Variants in FAM107B observed in about 807,000 individuals in gnomAD.
FAM107B encodes the protein family with sequence similarity 107 member B.
FAM107B carries 21 observed loss-of-function variants against 31.5 expected under a neutral mutation model. That is an observed-to-expected ratio of 0.67 (90% CI 0.47 to 0.96). FAM107B has a LOEUF of 0.96. Ranked by LOEUF, FAM107B falls within the 40% of genes least tolerant of loss-of-function variation. The pLI is 0.00. For synonymous variants in FAM107B, 157 were observed against 141.5 expected (o/e 1.11, Z -0.78); for missense variants, 452 against 377.1 (o/e 1.20, Z -1.64).
chr10:14,578,610 A>G (rs1851536825), intron 2 of FAM107B, among the ~76,000 whole-genome samples: 3 of 152,048 alleles, frequency 2.0e-5, no homozygotes, highest in African/African-American at 7.3e-5. Context: ...TTTGCGACAT[A>G]TTTTCCGGAG....
intron 1 of FAM107B, among the ~76,000 whole-genome samples, chr10:14,677,438 A>G (rs1010645736): frequency 6.6e-6 from 1 of 151,884 alleles, no homozygotes; most frequent in Non-Finnish European, 1.5e-5. Context: ...TGGCTAACAC[A>G]CTGAAACCCC....
chr10:14,729,660 C>A (rs1856118363), intron 1 of FAM107B, among the ~76,000 whole-genome samples: 1 of 152,162 alleles, frequency 6.6e-6, no homozygotes, highest in African/African-American at 2.4e-5. Context: ...GGTGGAAATA[C>A]CATTTCACCC....
chr10:14,674,635 C>A (rs151137258), intron 1 of FAM107B, among the ~76,000 whole-genome samples: 67 of 152,314 alleles, frequency 4.4e-4, no homozygotes, highest in African/African-American at 1.6e-3. Context: ...TAATAATTGT[C>A]TCGTTAACTC....
chr10:14,692,279 G>A (rs1855156789), intron 1 of FAM107B, among the ~76,000 whole-genome samples: 1 of 152,124 alleles, frequency 6.6e-6, no homozygotes, highest in Non-Finnish European at 1.5e-5. Flanking sequence ...GAGCTCCCCT[G>A]GCGGCTCTGC....
intron 2 of FAM107B, among the ~76,000 whole-genome samples, chr10:14,602,253 A>G (rs1852423843): frequency 6.6e-6 from 1 of 152,214 alleles, no homozygotes; most frequent in South Asian, 2.1e-4. Context: ...TGCAACAAAA[A>G]TGCACCTGAG....
rs533559255 is a variant in FAM107B, at chr10:14,589,489, A to G, written c.470-58974T>C. Among the ~76,000 whole-genome samples the G allele has an allele frequency of 3.9e-5, 6 of 152,338 alleles. No individual in the cohort carries two copies. The South Asian group carries it at 8.3e-4, about 21-fold the overall frequency. The stretch of plus-strand genomic sequence containing the variant: ...AAATATAGATTTTAAGAGTATATGG[A>G]AAGTCCTTGAAAGGCAATGTTTCTG... On this transcript the variant is annotated intron_variant, in intron 2 of 4. Transcript: ENST00000181796.
intron 1 of FAM107B, among the ~76,000 whole-genome samples, chr10:14,685,861 T>C (rs1187321926): frequency 6.6e-6 from 1 of 152,180 alleles, no homozygotes; most frequent in Admixed American, 6.5e-5. Flanking sequence ...CAGTTCTACA[T>C]GGCTGGGGCG....
At chr10:14,761,572 G>C (rs773244262) in intron 1 of FAM107B, among the ~76,000 whole-genome samples, 13 of 152,180 alleles carry the variant, frequency 8.5e-5, no homozygotes, top group Admixed American at 1.3e-4. Flanking sequence ...ATGATACAAG[G>C]AGGAAGTTTA....
chr10:14,759,037 G>A (rs1337256688), intron 1 of FAM107B, among the ~76,000 whole-genome samples: 1 of 151,722 alleles, frequency 6.6e-6, no homozygotes, highest in Non-Finnish European at 1.5e-5. Flanking sequence ...AATTAGCCAG[G>A]TGTGGTGGCG....
At chr10:14,632,610 C>CAA (rs5783414) in intron 2 of FAM107B, among the ~76,000 whole-genome samples, 85 of 90,500 alleles carry the variant, frequency 9.4e-4, no homozygotes, top group Middle Eastern at 5.4e-3. Flanking sequence ...GACTCTGTCT[C>CAA]AAAAAAAAAA....
intron 2 of FAM107B, among the ~76,000 whole-genome samples, chr10:14,637,899 G>C (rs975104037): frequency 6.6e-5 from 10 of 152,274 alleles, no homozygotes; most frequent in Admixed American, 3.9e-4. Context: ...TTCCTCTCCA[G>C]TGGAGACCTC....
At chr10:14,629,391 AATATATATT>A (rs1853271595) in intron 2 of FAM107B, among the ~76,000 whole-genome samples, 2 of 27,996 alleles carry the variant, frequency 7.1e-5, no homozygotes, top group African/African-American at 2.4e-4. Context: ...TAATATATAT[AATATATATT>A]ATATATTTAA....
intron 2 of FAM107B, among the ~76,000 whole-genome samples, chr10:14,557,922 G>A (rs1345020343): frequency 6.6e-6 from 1 of 152,248 alleles, no homozygotes; most frequent in African/African-American, 2.4e-5. Context: ...GGAGCCCACA[G>A]GCTAGGAGGC....
chr10:14,717,812 T>G (rs986411410), intron 1 of FAM107B, among the ~76,000 whole-genome samples: 7 of 151,992 alleles, frequency 4.6e-5, no homozygotes, highest in Non-Finnish European at 1.0e-4. Flanking sequence ...TCCAATCAAG[T>G]CGACACCTAA....
intron 1 of FAM107B, among the ~76,000 whole-genome samples, chr10:14,706,708 A>T (rs903079495): frequency 1.3e-5 from 2 of 152,188 alleles, no homozygotes; most frequent in Non-Finnish European, 2.9e-5. Flanking sequence ...TCAAAGAGTG[A>T]GCAGCTTTAG....
chr10:14,617,586 T>A (rs932979109), intron 2 of FAM107B, among the ~76,000 whole-genome samples: 9 of 152,234 alleles, frequency 5.9e-5, no homozygotes, highest in African/African-American at 2.2e-4. Context: ...TAAGTGGCTA[T>A]CTGTGTTTGA....
intron 1 of FAM107B, among the ~76,000 whole-genome samples, chr10:14,714,793 G>C (rs909636616): frequency 1.3e-5 from 2 of 152,188 alleles, no homozygotes; most frequent in Admixed American, 1.3e-4. Context: ...ACAGAGGCCA[G>C]AGAAGACAGA....
At chr10:14,573,966 C>CCTTCTCTT (rs1475437769) in intron 2 of FAM107B, among the ~76,000 whole-genome samples, 2 of 89,452 alleles carry the variant, frequency 2.2e-5, no homozygotes, top group African/African-American at 7.6e-5. Context: ...CTCTTTCTCT[C>CCTTCTCTT]ATAATCTACC....
intron 1 of FAM107B, among the ~76,000 whole-genome samples, chr10:14,683,942 G>C (rs1351096736): frequency 2.0e-5 from 3 of 152,188 alleles, no homozygotes; most frequent in Non-Finnish European, 4.4e-5. Flanking sequence ...AGAGAAGCGT[G>C]TCTTAGGCCA....
Sources: gnomAD v4.1 joint callset for allele counts (sites outside exome capture counted in the v4.1 genomes callset) on GRCh38, gnomAD v4.1.1 for gene constraint, MANE v1.5 for transcripts, NCBI Gene and HGNC (gene_info 2026-07-23, HGNC 2026-07-21) for gene names.